The following SLC7A11 variants were observed in gnomAD, a reference collection of about 807,000 sequenced individuals.
The protein encoded by SLC7A11 is cystine/glutamate transporter.
In SLC7A11, 35 loss-of-function variants were observed where a neutral mutation model predicts 54.5. The ratio of observed to expected loss-of-function variants is 0.64; its 90% CI spans 0.49 to 0.85. The LOEUF is 0.85. Among genes scored for constraint, SLC7A11 ranks in the 40% least tolerant of loss-of-function variants. The pLI is 0.00. For synonymous variants in SLC7A11, 230 were observed against 225.2 expected, an observed-to-expected ratio of 1.02 and a Z score of -0.19; for missense variants, 583 against 618.1, an observed-to-expected ratio of 0.94 and a Z score of 0.60.
At chr4:138,212,460 G>A (rs1737572073) in intron 6 of SLC7A11, among the ~76,000 whole-genome samples, 2 of 150,658 alleles carry the variant, frequency 1.3e-5, no homozygotes, top group Admixed American at 1.3e-4. Flanking sequence ...TGAAGTATGT[G>A]TTATTATTAT....
At position 138,170,123 on chromosome 4, in the gene SLC7A11, C is replaced by T. The variant is rs914230696; in HGVS notation, c.*1833G>A. ...ATTAAAGGATGAAACATACTCTGGCCATGACTAACCATTTTACCTTAGATG... is the reference window on the plus strand; with the variant it reads ...ATTAAAGGATGAAACATACTCTGGCTATGACTAACCATTTTACCTTAGATG... On this transcript the variant is annotated 3_prime_UTR_variant, in exon 12 of 12. Transcript: ENST00000280612. 37 of 148,054 alleles carry T rather than the reference C, an allele frequency of 2.5e-4. No homozygotes were observed. Among genetic ancestry groups the T allele is most frequent in the African/African-American group, 8.4e-4 (34 of 40,492 alleles). 9.2% of individuals were successfully genotyped at this position (148,054 alleles called of 1,614,324 possible). A position where few individuals can be genotyped will look rare whatever the true frequency, so the allele number is the denominator to read the frequency against.
chr4:138,189,220 T>C (rs1736950784), intron 6 of SLC7A11, among the ~76,000 whole-genome samples: 1 of 152,196 alleles, frequency 6.6e-6, no homozygotes, highest in African/African-American at 2.4e-5. Flanking sequence ...AGGCAACTTA[T>C]GTTTGTATAA....
intron 5 of SLC7A11, among the ~76,000 whole-genome samples, chr4:138,217,555 A>G (rs1475980833): frequency 6.6e-6 from 1 of 152,222 alleles, no homozygotes; most frequent in Non-Finnish European, 1.5e-5. Context: ...TGGGTATTAG[A>G]AAAGTGAGGA....
rs1028203077 is a variant in SLC7A11 at position 138,164,949 on chromosome 4, A to G, written c.*7007T>C. On this transcript the variant is annotated 3_prime_UTR_variant, in exon 12 of 12. Transcript: ENST00000280612. ...AGAGATGGCTGCCAGCATATCCTTC[A>G]AGGGTAACCTGAGTTCCAAGACTTT... is the stretch of plus-strand genomic sequence containing the variant. 2.6e-5 allele frequency: 4 copies of G among 152,182 alleles called. No individual in the cohort carries two copies. The highest frequency in any genetic ancestry group is 9.6e-5 in the African/African-American group (4 of 41,464). The allele number at this position is 152,182 out of a possible 1,614,324, so 9.4% of individuals were successfully genotyped here.
At position 138,166,956 on chromosome 4, in the gene SLC7A11, T is replaced by C. The variant is rs1736275920; in HGVS notation, c.*5000A>G. 2.0e-5 allele frequency: 3 copies of C among 152,138 alleles called. No homozygotes were observed. Among genetic ancestry groups the C allele is most frequent in the African/African-American group, 7.2e-5 (3 of 41,434 alleles). 9.4% of individuals were successfully genotyped at this position (152,138 alleles called of 1,614,324 possible). On this transcript the variant is annotated 3_prime_UTR_variant, in exon 12 of 12. Transcript: ENST00000280612. ...TTTCCTGTGAGACTATGATTTATGC[T>C]TTTGTGAATGTATACCTGATCTAAA...
chr4:138,238,595 ATTT>A (rs35797835), intron 1 of SLC7A11, among the ~76,000 whole-genome samples: 4 of 146,890 alleles, frequency 2.7e-5, no homozygotes, highest in African/African-American at 1.0e-4. Context: ...CCTAGGAATA[ATTT>A]TTTTTTTTTT....
chr4:138,210,612 G>A (rs1737523758), intron 6 of SLC7A11, among the ~76,000 whole-genome samples: 1 of 151,998 alleles, frequency 6.6e-6, no homozygotes, highest in South Asian at 2.1e-4. Context: ...CTCAAAAGAA[G>A]ACATACAAAT....
chr4:138,211,486 A>G (rs1314712533), intron 6 of SLC7A11, among the ~76,000 whole-genome samples: 3 of 151,932 alleles, frequency 2.0e-5, no homozygotes, highest in African/African-American at 7.2e-5. Context: ...AGGCTCTCAA[A>G]CCACTAAAAA....
At position 138,183,322 on chromosome 4, in the gene SLC7A11, C is replaced by A; in HGVS notation, c.916-17G>T. On this transcript the variant is annotated splice_polypyrimidine_tract_variant and intron_variant, in intron 7 of 11. Transcript: ENST00000280612. Reference sequence around the variant, plus strand: ...AGAAAAGGTCTAGTGAAAGAAAGAACGAAGCAAATTAATGCCTTGCCAGAA... The same window carrying A: ...AGAAAAGGTCTAGTGAAAGAAAGAAAGAAGCAAATTAATGCCTTGCCAGAA... 3.2e-6 allele frequency: 5 copies of A among 1,552,112 alleles called. No homozygotes were observed. The highest frequency in any genetic ancestry group is 1.1e-5 in the South Asian group (1 of 88,520).
intron 2 of SLC7A11, among the ~76,000 whole-genome samples, chr4:138,234,747 A>C (rs1738164665): frequency 6.6e-6 from 1 of 152,202 alleles, no homozygotes; most frequent in South Asian, 2.1e-4. Flanking sequence ...ATTTATATGG[A>C]ATGATCATGT....
rs1036711583 is a variant in SLC7A11, at chr4:138,242,245, A to C, written c.-176T>G. 5 of 680,998 alleles carry C rather than the reference A, an allele frequency of 7.3e-6. No homozygotes were observed. The highest frequency in any genetic ancestry group is 9.8e-6 in the Non-Finnish European group (4 of 409,290). 42.2% of individuals were successfully genotyped at this position (680,998 alleles called of 1,614,324 possible). Reference sequence around the variant, plus strand: ...GTGCTTTTTCCTTCACAGCGATCTAATTACTACTCAGAAACACCTGTGTAT... The same window carrying C: ...GTGCTTTTTCCTTCACAGCGATCTACTTACTACTCAGAAACACCTGTGTAT... On this transcript the variant is annotated 5_prime_UTR_variant, in exon 1 of 12. Coordinates refer to ENST00000280612, the MANE Select transcript of SLC7A11 (RefSeq NM_014331.4).
chr4:138,179,698 G>A (rs1442894411), intron 10 of SLC7A11, among the ~76,000 whole-genome samples: 1 of 152,108 alleles, frequency 6.6e-6, no homozygotes, highest in Non-Finnish European at 1.5e-5. Context: ...TATTTTACTA[G>A]TTAAATGCCA....
chr4:138,237,342 G>T (rs1738237469), intron 1 of SLC7A11, among the ~76,000 whole-genome samples: 1 of 151,074 alleles, frequency 6.6e-6, no homozygotes, highest in South Asian at 2.1e-4. Flanking sequence ...TTCTGACTCT[G>T]TTTCTATAAA....
At position 138,231,701 on chromosome 4, in the gene SLC7A11, T is replaced by C. The variant is rs76410849; in HGVS notation, c.520+566A>G. On this transcript the variant is annotated intron_variant, in intron 3 of 11. Coordinates refer to ENST00000280612, the MANE Select transcript of SLC7A11 (RefSeq NM_014331.4). ...TCTTTTTTTAATCAATGAATATTTG[T>C]GCCCATTGATAAAAGATGAACAACT... Among the ~76,000 whole-genome samples, 1,465 of 152,324 alleles carry C rather than the reference T, an allele frequency of 9.6e-3. 37 individuals carry two copies. The highest frequency in any genetic ancestry group is 0.033 in the African/African-American group (1,379 of 41,576).
In SLC7A11 at chr4:138,170,232, AAG is replaced by A. The variant is rs1491205359; in HGVS notation, c.*1722_*1723del. The A allele has an allele frequency of 9.4e-6, 1 of 105,930 alleles. No individual in the cohort carries two copies. Among genetic ancestry groups the A allele is most frequent in the African/African-American group, 3.5e-5 (1 of 28,962 alleles). The allele number at this position is 105,930 out of a possible 1,614,324, so 6.6% of individuals were successfully genotyped here. A position where few individuals can be genotyped will look rare whatever the true frequency, so the allele number is the denominator to read the frequency against. ...ATATATATATATATATATATATAAA[AAG>A]TGTGTGTGTGTGTGTGTATATATAT... On this transcript the variant is annotated 3_prime_UTR_variant, in exon 12 of 12. Transcript: ENST00000280612.
rs1174677572 is a variant in SLC7A11, at chr4:138,169,606, C to G, written c.*2350G>C. On this transcript the variant is annotated 3_prime_UTR_variant, in exon 12 of 12. Transcript: ENST00000280612. Reference sequence around the variant, plus strand: ...CCACTGTGAATATAAGCACATTAACCCCAGGAAGAGCCAAGAACTACACAA... The same window carrying G: ...CCACTGTGAATATAAGCACATTAACGCCAGGAAGAGCCAAGAACTACACAA... 2 of 151,164 alleles carry G rather than the reference C, an allele frequency of 1.3e-5. No homozygotes were observed. The highest frequency in any genetic ancestry group is 4.9e-5 in the African/African-American group (2 of 41,132). 9.4% of individuals were successfully genotyped at this position (151,164 alleles called of 1,614,324 possible).
At chr4:138,194,110 G>A (rs1453118288) in intron 6 of SLC7A11, among the ~76,000 whole-genome samples, 3 of 152,002 alleles carry the variant, frequency 2.0e-5, no homozygotes, top group African/African-American at 7.3e-5. Flanking sequence ...GGGAAAGGTG[G>A]GAAAGAGAAA....
chr4:138,201,452 T>TA (rs2148428018), intron 6 of SLC7A11, among the ~76,000 whole-genome samples: 1 of 152,220 alleles, frequency 6.6e-6, no homozygotes, highest in East Asian at 1.9e-4. Flanking sequence ...CCATGTGATT[T>TA]AAAAAACTAT....
chr4:138,230,106 C>T (rs6842877), intron 3 of SLC7A11, among the ~76,000 whole-genome samples: 115,967 of 152,030 alleles, frequency 0.76, 45,710 homozygotes, highest in Middle Eastern at 0.89. Context: ...ATCATGTCTT[C>T]TGCGGGAACA....
Sources: allele counts gnomAD v4.1 joint callset (sites outside exome capture counted in the v4.1 genomes callset), GRCh38; gene constraint gnomAD v4.1.1; transcripts MANE v1.5; gene names NCBI Gene and HGNC (gene_info 2026-07-23, HGNC 2026-07-21).